TBC1D1: variants seen among roughly 807,000 people sequenced by gnomAD.
TBC1D1 encodes TBC1 (tre-2/USP6, BUB2, cdc16) domain family, member 1.
TBC1D1 carries 89 observed loss-of-function variants against 125.6 expected under a neutral mutation model. The observed-to-expected ratio is 0.71, with a 90% CI of 0.60 to 0.85. The LOEUF (loss-of-function observed/expected upper bound fraction) is 0.85, where lower values mean the gene tolerates loss of function less well. Ranked by LOEUF, TBC1D1 falls within the 40% of genes least tolerant of loss-of-function variation. TBC1D1 has a pLI of 0.00. For synonymous variants in TBC1D1, 565 were observed against 564.1 expected, an observed-to-expected ratio of 1.00 and a Z score of -0.02; for missense variants, 1,377 against 1,469.2, an observed-to-expected ratio of 0.94 and a Z score of 1.03.
At chr4:38,132,971 TAAG>T in intron 18 of TBC1D1, 110 bp from the exon 21 acceptor site, 1 of 811,022 alleles carries the variant, frequency 1.2e-6, no homozygotes, top group South Asian at 2.0e-5. Context: ...AGTGTAGAGC[TAAG>T]CGTAGAGGAG....
chr4:37,912,120 A>T (rs13140964), intron 2 of TBC1D1, among the ~76,000 whole-genome samples: 28,503 of 152,180 alleles, frequency 0.19, 3,300 homozygotes, highest in Middle Eastern at 0.26. Context: ...ATCCTACCTG[A>T]CAATGCTCCC....
intron 12 of TBC1D1, among the ~76,000 whole-genome samples, chr4:38,071,416 C>A (rs1470208824): frequency 2.0e-5 from 3 of 152,218 alleles, no homozygotes; most frequent in Non-Finnish European, 4.4e-5. Context: ...AAAAGCCCAT[C>A]ATTTTTATAT....
chr4:38,001,162 G>C (rs551713103), intron 2 of TBC1D1, among the ~76,000 whole-genome samples: 1 of 152,218 alleles, frequency 6.6e-6, no homozygotes, highest in South Asian at 2.1e-4. Context: ...AGAGCTTGCA[G>C]TGAGCCAAGA....
rs1450703897 is a variant in TBC1D1 at position 37,977,255 on chromosome 4, C to T, written c.418-37254C>T. 1.4e-5 allele frequency: 2 copies of T among 147,720 alleles called. No homozygotes were observed. The highest frequency in any genetic ancestry group is 3.0e-5 in the Non-Finnish European group (2 of 66,314). 9.2% of individuals were successfully genotyped at this position (147,720 alleles called of 1,614,324 possible). On this transcript the variant is annotated intron_variant, in intron 2 of 19. Coordinates refer to ENST00000261439, the MANE Select transcript of TBC1D1 (RefSeq NM_015173.4). The surrounding 1 kb of genome is among the most constrained non-coding windows in gnomAD (Gnocchi z 4.3). ...CCCTCCCCTCCTCTCCCCTCCTCCC[C>T]CCGCCCACCCCCTCCCCGCGCTCTC...
chr4:37,939,386 A>C (rs1725066668), intron 2 of TBC1D1, among the ~76,000 whole-genome samples: 1 of 151,970 alleles, frequency 6.6e-6, no homozygotes, highest in Non-Finnish European at 1.5e-5. Context: ...TTTTTCTTGT[A>C]AATTTGTTTG....
chr4:37,937,537 C>G (rs893399681), intron 2 of TBC1D1, among the ~76,000 whole-genome samples: 47 of 152,150 alleles, frequency 3.1e-4, no homozygotes, highest in African/African-American at 1.1e-3. Context: ...CTTCAAGAAA[C>G]TTCATGAAGT....
intron 2 of TBC1D1, among the ~76,000 whole-genome samples, chr4:37,931,095 T>G (rs1187364552): frequency 9.3e-6 from 1 of 107,888 alleles, no homozygotes; most frequent in Admixed American, 1.2e-4. Flanking sequence ...TGGTTTTTGT[T>G]GTTTTGTTTG....
In TBC1D1 at chr4:37,995,970, T is replaced by C. The variant is rs1395174955; in HGVS notation, c.418-18539T>C. The C allele has an allele frequency of 5.4e-6, 3 of 554,718 alleles. No homozygotes were observed. The highest frequency in any genetic ancestry group is 5.1e-5 in the East Asian group (1 of 19,778). The allele number at this position is 554,718 out of a possible 1,614,324, so 34.4% of individuals were successfully genotyped here. ...AAGGACTTCTTTCTTCTCTTGCCTC[T>C]CTGTTTCTACCTCATCCTTGGGTGG... is the stretch of plus-strand genomic sequence containing the variant. On this transcript the variant is annotated intron_variant, in intron 2 of 19. Coordinates refer to ENST00000261439, the MANE Select transcript of TBC1D1 (RefSeq NM_015173.4). The surrounding 1 kb of genome is among the most constrained non-coding windows in gnomAD (Gnocchi z 4.3).
intron 12 of TBC1D1, among the ~76,000 whole-genome samples, chr4:38,083,604 A>G (rs1366060672): frequency 1.3e-5 from 2 of 152,194 alleles, no homozygotes; most frequent in African/African-American, 4.8e-5. Context: ...GCTCACAATA[A>G]TCCTATGAAC....
intron 14 of TBC1D1, among the ~76,000 whole-genome samples, chr4:38,096,351 T>C (rs1418462439): frequency 1.3e-5 from 2 of 152,190 alleles, no homozygotes; most frequent in Non-Finnish European, 2.9e-5. Context: ...ATAAACTAGA[T>C]AATGATTTGA....
intron 2 of TBC1D1, among the ~76,000 whole-genome samples, chr4:37,922,079 C>G (rs978493233): frequency 3.3e-5 from 5 of 152,180 alleles, no homozygotes; most frequent in African/African-American, 9.7e-5. Flanking sequence ...GGATACCCTT[C>G]CACTTTTTTT....
intron 3 of TBC1D1, among the ~76,000 whole-genome samples, chr4:38,015,652 G>A (rs973460956): frequency 6.6e-6 from 1 of 152,166 alleles, no homozygotes; most frequent in Non-Finnish European, 1.5e-5. Flanking sequence ...TCCCGGCAGC[G>A]AGCCGGTCTC....
chr4:38,072,194 TAGAG>T (rs951054515), intron 12 of TBC1D1, among the ~76,000 whole-genome samples: 1 of 151,508 alleles, frequency 6.6e-6, no homozygotes, highest in African/African-American at 2.4e-5. Flanking sequence ...TATGTACACC[TAGAG>T]AGAGAGAGAG....
chr4:38,107,094 C>T (rs945503744), intron 15 of TBC1D1, among the ~76,000 whole-genome samples: 4 of 152,186 alleles, frequency 2.6e-5, no homozygotes, highest in Admixed American at 2.0e-4. Flanking sequence ...AGAGGACCTC[C>T]GTGTGAGGCA....
intron 2 of TBC1D1, among the ~76,000 whole-genome samples, chr4:37,937,325 C>A (rs890848506): frequency 6.6e-6 from 1 of 152,170 alleles, no homozygotes; most frequent in Non-Finnish European, 1.5e-5. Flanking sequence ...GCCATCTTCT[C>A]CCTAAGAAGA....
At chr4:38,058,410 C>T (rs1752140755) in intron 12 of TBC1D1, among the ~76,000 whole-genome samples, 1 of 152,230 alleles carries the variant, frequency 6.6e-6, no homozygotes, top group African/African-American at 2.4e-5. Context: ...TGCAAACTGT[C>T]TCCAGCCAAG....
intron 11 of TBC1D1, among the ~76,000 whole-genome samples, chr4:38,052,620 C>T (rs1750831218): frequency 6.6e-5 from 10 of 152,014 alleles, no homozygotes; most frequent in Admixed American, 5.9e-4. Context: ...CAGGTGTGAG[C>T]CACTGCACCC....
rs139804053 is a variant in TBC1D1, at chr4:37,903,083, A to G, written c.417+571A>G. ...CCAAGGCATAATGTTCACTTAGGCA[A>G]AGGTCATTGATAAGAACGCTGGATA... On this transcript the variant is annotated intron_variant, in intron 2 of 19. Coordinates refer to ENST00000261439, the MANE Select transcript of TBC1D1 (RefSeq NM_015173.4). 3.4e-3 allele frequency among the ~76,000 whole-genome samples: 513 copies of G among 152,372 alleles called. 5 individuals are homozygous for G. The highest frequency in any genetic ancestry group is 0.012 in the African/African-American group (484 of 41,578).
chr4:38,093,528 T>C (rs60475933), intron 13 of TBC1D1, among the ~76,000 whole-genome samples: 21,350 of 101,282 alleles, frequency 0.21, 2,504 homozygotes, highest in African/African-American at 0.43. Flanking sequence ...TTCCCCCCCC[T>C]TTTTTTTTTT....
Sources: gnomAD v4.1 joint callset for allele counts (sites outside exome capture counted in the v4.1 genomes callset) on GRCh38, gnomAD v4.1.1 for gene constraint, Gnocchi (gnomAD v3.1) non-coding constraint, MANE v1.5 for transcripts, NCBI Gene and HGNC (gene_info 2026-07-23, HGNC 2026-07-21) for gene names.